The following KDM5A variants were observed in gnomAD, a reference collection of about 807,000 sequenced individuals.
The protein encoded by KDM5A is lysine demethylase 5A.
A neutral mutation model predicts 193.5 loss-of-function variants in KDM5A; 42 were observed. That is an observed-to-expected ratio of 0.22 (90% CI 0.17 to 0.28). The LOEUF (loss-of-function observed/expected upper bound fraction) is 0.28, where lower values mean the gene tolerates loss of function less well. Ranked by LOEUF, KDM5A falls within the 10% of genes least tolerant of loss-of-function variation. The pLI is 1.00. For missense variants in KDM5A, 1,692 were observed against 2,055.1 expected, an observed-to-expected ratio of 0.82 and a Z score of 3.42; for synonymous variants, 796 against 718.1, an observed-to-expected ratio of 1.11 and a Z score of -1.73.
intron 24 of KDM5A, among the ~76,000 whole-genome samples, chr12:306,314 C>A (rs7138499): frequency 0.056 from 8,462 of 152,090 alleles, 477 homozygotes; most frequent in African/African-American, 0.15. Context: ...TACAGACTTT[C>A]ACAACTCAAA....
At chr12:319,942 TG>T (rs1943695258) in intron 18 of KDM5A, among the ~76,000 whole-genome samples, 1 of 151,764 alleles carries the variant, frequency 6.6e-6, no homozygotes, top group South Asian at 2.1e-4. Flanking sequence ...GTATCAGAAG[TG>T]GGGGCACCTG....
chr12:320,812 G>A (rs1331169771), intron 18 of KDM5A, among the ~76,000 whole-genome samples, 183 bp downstream of exon 18: 1 of 151,888 alleles, frequency 6.6e-6, no homozygotes, highest in African/African-American at 2.4e-5. Flanking sequence ...ATTTTAAATG[G>A]GGAATAATGG....
intron 9 of KDM5A, 50 bp downstream of exon 9, chr12:352,153 TCA>T: frequency 5.0e-6 from 4 of 799,880 alleles, no homozygotes; most frequent in Non-Finnish European, 8.3e-6. Context: ...GGCTTTGTAC[TCA>T]GGTAAATCTT....
intron 5 of KDM5A, among the ~76,000 whole-genome samples, chr12:360,528 T>G (rs1199827292): frequency 2.0e-5 from 3 of 152,108 alleles, no homozygotes; most frequent in Non-Finnish European, 2.9e-5. Context: ...CCAACCACAT[T>G]AAACATATAC....
intron 5 of KDM5A, among the ~76,000 whole-genome samples, chr12:357,226 G>A (rs373707121): frequency 2.6e-5 from 4 of 151,678 alleles, no homozygotes; most frequent in East Asian, 3.9e-4. Flanking sequence ...GCAGTGAGGC[G>A]AGATCACGCT....
At chr12:332,335 T>C (rs933066911) in intron 12 of KDM5A, among the ~76,000 whole-genome samples, 1 of 152,240 alleles carries the variant, frequency 6.6e-6, no homozygotes, top group East Asian at 1.9e-4. Context: ...TTAACTCACA[T>C]GGCATATGAG....
chr12:308,427 T>C (rs1943541157), intron 22 of KDM5A, among the ~76,000 whole-genome samples: 1 of 152,200 alleles, frequency 6.6e-6, no homozygotes, highest in Admixed American at 6.5e-5. Flanking sequence ...ACCTGGTACC[T>C]TGCACAAGGT....
chr12:313,013 C>T (rs2137396896), intron 20 of KDM5A, 43 bp downstream of exon 20: 2 of 1,587,760 alleles, frequency 1.3e-6, no homozygotes, highest in East Asian at 2.2e-5. Flanking sequence ...ATCCATGAAA[C>T]AGGCATTACC....
rs1293405108 is a variant in KDM5A at position 285,079 on chromosome 12, T to TA, written c.*376dup. The TA allele has an allele frequency of 9.5e-6, 3 of 315,564 alleles. No individual in the cohort carries two copies. In the Admixed American group the frequency reaches 1.3e-4, roughly 14 times the overall value. 19.5% of individuals were successfully genotyped at this position (315,564 alleles called of 1,614,324 possible). On this transcript the variant is annotated 3_prime_UTR_variant, in exon 28 of 28. Transcript: ENST00000399788. ...TAGCACCTTCAGTTGGTGCTGCTCC[T>TA]AAGTTGTAAGCCTCTAACTACTATC...
At position 307,870 on chromosome 12, in the gene KDM5A, C is replaced by G; in HGVS notation, c.3514G>C (p.Gly1172Arg). 6.2e-7 allele frequency: 1 copy of G among 1,614,132 alleles called. No individual in the cohort carries two copies. Among genetic ancestry groups the G allele is most frequent in the Non-Finnish European group, 8.5e-7 (1 of 1,180,006 alleles). ...KFCICRKTAS[G>R]FMLQCELCKD... ...CAGAGCTCACACTGTAGCATAAACC[C>G]ACTGGCTGTCTTGCGGCAAATGCAA... is the stretch of plus-strand genomic sequence containing the variant. The change falls in exon 23 of 28, where the codon GGG (glycine) becomes CGG (arginine). Residue 1172 changes from glycine to arginine, a missense_variant. Coordinates refer to ENST00000399788, the MANE Select transcript of KDM5A (RefSeq NM_001042603.3). The surrounding 1 kb of genome is among the most constrained non-coding windows in gnomAD (Gnocchi z 4.3).
intron 11 of KDM5A, among the ~76,000 whole-genome samples, chr12:334,020 A>G (rs74055643): frequency 0.021 from 3,253 of 152,324 alleles, 100 homozygotes; most frequent in African/African-American, 0.074. Flanking sequence ...GGACATTTCA[A>G]TTATCCCCAC....
chr12:305,374 GA>G (rs367792371), intron 24 of KDM5A, among the ~76,000 whole-genome samples: 81 of 152,186 alleles, frequency 5.3e-4, no homozygotes, highest in African/African-American at 1.9e-3. Context: ...TCTATCTTGA[GA>G]AAAAATATTT....
intron 20 of KDM5A, chr12:311,343 T>C (rs1482142025): frequency 4.8e-6 from 2 of 420,562 alleles, no homozygotes; most frequent in East Asian, 5.2e-5. Context: ...AGCACAGACA[T>C]ATATAAACAC....
At chr12:381,612 T>C (rs1944573243) in intron 3 of KDM5A, among the ~76,000 whole-genome samples, 1 of 152,156 alleles carries the variant, frequency 6.6e-6, no homozygotes, top group African/African-American at 2.4e-5. Context: ...ATTTGTTCTT[T>C]AGTACCATAG....
At position 389,088 on chromosome 12, in the gene KDM5A, C is replaced by T. The variant is rs201230930; in HGVS notation, c.4G>A (p.Ala2Thr). Residue 2 changes from alanine to threonine, a missense_variant, in exon 1 of 28, where the codon GCG becomes ACG. This residue lies in a region of KDM5A where 84 missense variants were observed against 68.2 expected (regional missense o/e 1.23). Transcript: ENST00000399788. M[A>T]GVGPGGYAAE... is the part of the protein sequence containing the mutation. ...GCGTAGCCCCCCGGCCCCACGCCCG[C>T]CATTGCAACGGCCGGGGGGGGGGGG... The T allele has an allele frequency of 2.6e-5, 42 of 1,596,042 alleles. No homozygotes were observed. The highest frequency in any genetic ancestry group is 3.4e-5 in the Non-Finnish European group (40 of 1,173,996).
At chr12:349,288 G>A (rs1454532012) in intron 10 of KDM5A, among the ~76,000 whole-genome samples, 1 of 151,440 alleles carries the variant, frequency 6.6e-6, no homozygotes, top group Non-Finnish European at 1.5e-5. Flanking sequence ...CCAAAGTGCT[G>A]GGATTACAGG....
In KDM5A at chr12:364,190, G is replaced by A. The variant is rs926353896; in HGVS notation, c.538-1093C>T. Among the ~76,000 whole-genome samples, 3 of 152,228 alleles carry A rather than the reference G, an allele frequency of 2.0e-5. No individual in the cohort carries two copies. The South Asian group carries it at 6.2e-4, about 32-fold the overall frequency. ...TTGGCAGTCCTTAAAAATTTACACA[G>A]GCCGGGTGCGGTGGCTCACGCCTAT... On this transcript the variant is annotated intron_variant, in intron 4 of 27. Coordinates refer to ENST00000399788, the MANE Select transcript of KDM5A (RefSeq NM_001042603.3).
At chr12:295,527 G>C (rs1390964465) in intron 26 of KDM5A, 46 bp downstream of exon 26, 1 of 1,540,640 alleles carries the variant, frequency 6.5e-7, no homozygotes, top group Non-Finnish European at 9.0e-7. Context: ...AGGAACCTAG[G>C]CATTCTAGTT....
Position 293,044 on chromosome 12 carries a change from T to C in KDM5A, c.4581A>G (p.Leu1527=). 1.3e-6 allele frequency: 2 copies of C among 1,586,518 alleles called. No individual in the cohort carries two copies. Among genetic ancestry groups the C allele is most frequent in the Non-Finnish European group, 1.7e-6 (2 of 1,172,864 alleles). Residue 1527 remains leucine (L), a synonymous_variant, in exon 27 of 28, where the codon TTA becomes TTG. Coordinates refer to ENST00000399788, the MANE Select transcript of KDM5A (RefSeq NM_001042603.3). ...FGEGKQKSKE[L]KKMDKPRKKK... ...TCTTTCTAGGTTTGTCCATTTTCTT[T>C]AACTCCTTGGACTTCTGTTTTCCTT...
Sources: gnomAD v4.1 joint callset for allele counts (sites outside exome capture counted in the v4.1 genomes callset) on GRCh38, gnomAD v4.1.1 for gene constraint, gnomAD v4.1.1 regional missense constraint, Gnocchi (gnomAD v3.1) non-coding constraint, MANE v1.5 for transcripts, NCBI Gene and HGNC (gene_info 2026-07-23, HGNC 2026-07-21) for gene names.